Variants in FXR1 observed in about 807,000 individuals in gnomAD.
FXR1 encodes RNA-binding protein FXR1.
FXR1 carries 15 observed loss-of-function variants against 84.0 expected under a neutral mutation model. That is an observed-to-expected ratio of 0.18 (90% CI 0.12 to 0.27). The LOEUF is 0.27. FXR1 is among the 10% of genes least tolerant of loss of function. The pLI, the probability that FXR1 is intolerant of heterozygous loss-of-function variation, is 1.00. For missense variants in FXR1, 480 were observed against 774.4 expected, an observed-to-expected ratio of 0.62 and a Z score of 4.51; for synonymous variants, 245 against 250.7, an observed-to-expected ratio of 0.98 and a Z score of 0.21.
chr3:180,975,521 TTTAG>T (rs1714128110), intron 16 of FXR1, 117 bp downstream of exon 16: 1 of 486,024 alleles, frequency 2.1e-6, no homozygotes, highest in African/African-American at 2.0e-5. Context: ...ACAATACTAT[TTTAG>T]TTAAAGACTC....
intron 1 of FXR1, among the ~76,000 whole-genome samples, chr3:180,929,943 T>TA (rs1719685982): frequency 6.6e-6 from 1 of 152,198 alleles, no homozygotes; most frequent in Non-Finnish European, 1.5e-5. Flanking sequence ...TAGTAAATCT[T>TA]ATGGCAGAAT....
At chr3:180,930,440 A>G (rs977406502) in intron 1 of FXR1, among the ~76,000 whole-genome samples, 1 of 152,144 alleles carries the variant, frequency 6.6e-6, no homozygotes, top group Non-Finnish European at 1.5e-5. Flanking sequence ...TATAAAGGTG[A>G]GAAAGGAGTG....
chr3:180,957,391 G>C (rs766035160), intron 9 of FXR1: 6 of 152,494 alleles, frequency 3.9e-5, no homozygotes, highest in Non-Finnish European at 8.8e-5. Context: ...ATAGAAACTT[G>C]AAAATAAAAG....
intron 1 of FXR1, among the ~76,000 whole-genome samples, chr3:180,920,966 T>G (rs1202255248): frequency 6.6e-6 from 1 of 152,246 alleles, no homozygotes; most frequent in Non-Finnish European, 1.5e-5. Flanking sequence ...TAAAGAAATC[T>G]TCACATCCTC....
intron 2 of FXR1, 130 bp downstream of exon 2, chr3:180,933,516 A>G: frequency 1.5e-6 from 1 of 672,548 alleles, no homozygotes; most frequent in Non-Finnish European, 2.7e-6. Context: ...TGGTTGTTTG[A>G]TCATAAGTCT....
chr3:180,937,484 A>G (rs1720654969), intron 3 of FXR1, among the ~76,000 whole-genome samples: 1 of 152,106 alleles, frequency 6.6e-6, no homozygotes, highest in East Asian at 1.9e-4. Flanking sequence ...GGTGTTAGAG[A>G]TTGAATGATT....
At chr3:180,973,873 G>A (rs1805625) in intron 15 of FXR1, among the ~76,000 whole-genome samples, 9,187 of 152,154 alleles carry the variant, frequency 0.06, 770 homozygotes, top group African/African-American at 0.19. Flanking sequence ...AACGTGAATT[G>A]TAAATACCAT....
At chr3:180,972,528 T>C (rs1254770207) in intron 15 of FXR1, among the ~76,000 whole-genome samples, 1 of 152,202 alleles carries the variant, frequency 6.6e-6, no homozygotes, top group Admixed American at 6.5e-5. Flanking sequence ...TTTCTGGCCC[T>C]ACTGTAAACA....
chr3:180,944,838 G>C (rs1477861476), intron 3 of FXR1, among the ~76,000 whole-genome samples: 1 of 152,174 alleles, frequency 6.6e-6, no homozygotes, highest in Non-Finnish European at 1.5e-5. Flanking sequence ...GTCCAGGCTG[G>C]TCTCGAACTC....
chr3:180,957,819 G>C lies in FXR1; in HGVS notation c.881G>C (p.Gly294Ala). The change falls in exon 10 of 17, where the codon GGA (glycine) becomes GCA (alanine). Residue 294 changes from glycine (G) to alanine (A), a missense_variant and splice_region_variant. By Grantham distance (60) the Gly-to-Ala change is moderately conservative. This residue lies in a region of FXR1 where 136 missense variants were observed against 315.4 expected (regional missense o/e 0.43). Coordinates refer to ENST00000357559, the MANE Select transcript of FXR1 (RefSeq NM_005087.4). ...DFIQVPRNLV[G>A]KVIGKNGKVI... is the part of the protein sequence containing the mutation. ...TTGTATTTGTTTTCTCTTACTAAAG[G>C]AAAAGTAATTGGAAAAAATGGCAAA... is the stretch of plus-strand genomic sequence containing the variant. The C allele has an allele frequency of 6.9e-7, 1 of 1,444,226 alleles. No homozygotes were observed. The highest frequency in any genetic ancestry group is 9.7e-7 in the Non-Finnish European group (1 of 1,035,262). The allele number at this position is 1,444,226 out of a possible 1,614,324, so 89.5% of individuals were successfully genotyped here.
chr3:180,948,875 A>G, intron 6 of FXR1, 61 bp downstream of exon 6: 1 of 809,716 alleles, frequency 1.2e-6, no homozygotes, highest in Non-Finnish European at 2.1e-6. Flanking sequence ...TTTTATAATT[A>G]CATATTTCAG....
chr3:180,976,045 T>G, intron 16 of FXR1, 77 bp from the exon 17 acceptor site: 1 of 1,067,582 alleles, frequency 9.4e-7, no homozygotes, highest in Non-Finnish European at 1.4e-6. Context: ...AGCTAATTAG[T>G]GTTTATGTAG....
At chr3:180,937,453 C>T (rs761608251) in intron 3 of FXR1, among the ~76,000 whole-genome samples, 33 of 152,032 alleles carry the variant, frequency 2.2e-4, no homozygotes, top group Non-Finnish European at 3.2e-4. Flanking sequence ...GGTCTGCCTC[C>T]GCTTTTGTGA....
intron 13 of FXR1, among the ~76,000 whole-genome samples, chr3:180,963,504 C>T (rs959515781): frequency 3.3e-5 from 5 of 152,030 alleles, no homozygotes; most frequent in African/African-American, 1.2e-4. Context: ...GAAAAGTGTG[C>T]GAATCACTGC....
intron 1 of FXR1, among the ~76,000 whole-genome samples, chr3:180,922,624 A>C (rs1029661248): frequency 6.6e-6 from 1 of 152,092 alleles, no homozygotes; most frequent in Non-Finnish European, 1.5e-5. Context: ...ATTTTGAGAT[A>C]GGATCTCAAA....
At chr3:180,912,981 G>C (rs1032657969) in intron 1 of FXR1, among the ~76,000 whole-genome samples, 2 of 152,176 alleles carry the variant, frequency 1.3e-5, no homozygotes, top group Non-Finnish European at 2.9e-5. Flanking sequence ...GAACCCTCTT[G>C]GTTGCTAGTG....
At chr3:180,945,232 G>A (rs1721573912) in intron 3 of FXR1, among the ~76,000 whole-genome samples, 1 of 152,180 alleles carries the variant, frequency 6.6e-6, no homozygotes, top group African/African-American at 2.4e-5. Context: ...TCTCTGTGCT[G>A]TAATTTTAGC....
At position 180,948,503 on chromosome 3, in the gene FXR1, AT is replaced by A. The variant is rs1458718971; in HGVS notation, c.419+12del. On this transcript the variant is annotated intron_variant, in intron 5 of 16. Coordinates refer to ENST00000357559, the MANE Select transcript of FXR1 (RefSeq NM_005087.4). ...TGAGGATTTGAGAGAGGCGTGAGTA[AT>A]TTTATATACTATTGAATTGTTCTGT... The A allele has an allele frequency of 2.6e-6, 4 of 1,568,368 alleles. No individual in the cohort carries two copies. Among genetic ancestry groups the A allele is most frequent in the Admixed American group, 1.7e-5 (1 of 58,226 alleles).
At chr3:180,958,653 G>A (rs2108478740) in intron 10 of FXR1, among the ~76,000 whole-genome samples, 1 of 152,026 alleles carries the variant, frequency 6.6e-6, no homozygotes. Flanking sequence ...CACTGAGGTT[G>A]GTTCCATATC....
Sources: gnomAD v4.1 joint callset for allele counts (sites outside exome capture counted in the v4.1 genomes callset) on GRCh38, gnomAD v4.1.1 for gene constraint, gnomAD v4.1.1 regional missense constraint, MANE v1.5 for transcripts, NCBI Gene and HGNC (gene_info 2026-07-23, HGNC 2026-07-21) for gene names.